CLN8: variants seen among roughly 807,000 people sequenced by gnomAD.
CLN8 encodes protein CLN8.
In CLN8, 14 loss-of-function variants were observed where a neutral mutation model predicts 15.7. That is an observed-to-expected ratio of 0.89 (90% CI 0.59 to 1.39). The LOEUF is 1.39. Among genes scored for constraint, CLN8 ranks in the 40% most tolerant of loss-of-function variants. The pLI, the probability that CLN8 is intolerant of heterozygous loss-of-function variation, is 0.00. For synonymous variants in CLN8, 188 were observed against 151.0 expected, an observed-to-expected ratio of 1.25 and a Z score of -1.80; for missense variants, 415 against 364.0, an observed-to-expected ratio of 1.14 and a Z score of -1.14.
chr8:1,772,309 A>G (rs564893458), intron 2 of CLN8, among the ~76,000 whole-genome samples: 1 of 152,162 alleles, frequency 6.6e-6, no homozygotes, highest in African/African-American at 2.4e-5. Context: ...TTATTTTTGA[A>G]TAAGGTTGTT....
upstream of CLN8, among the ~76,000 whole-genome samples, chr8:1,760,809 G>A (rs946287784): frequency 1.3e-5 from 2 of 152,156 alleles, no homozygotes; most frequent in Non-Finnish European, 2.9e-5. Flanking sequence ...CAGCTGCTCT[G>A]ATACAGAGTG....
At chr8:1,767,617 G>A (rs1290312805) in intron 1 of CLN8, among the ~76,000 whole-genome samples, 2 of 119,258 alleles carry the variant, frequency 1.7e-5, no homozygotes, top group Non-Finnish European at 3.2e-5. Context: ...TGTCACCCAG[G>A]CTGGAGTGCA....
At position 1,782,249 on chromosome 8, in the gene CLN8, A is replaced by G. The variant is rs1339560316; in HGVS notation, c.*1682A>G. 1.3e-5 allele frequency: 2 copies of G among 151,828 alleles called. No homozygotes were observed. Among genetic ancestry groups the G allele is most frequent in the Non-Finnish European group, 2.9e-5 (2 of 67,998 alleles). 9.4% of individuals were successfully genotyped at this position (151,828 alleles called of 1,614,324 possible). On this transcript the variant is annotated 3_prime_UTR_variant, in exon 3 of 3. Transcript: ENST00000331222. ...AACCTCCACCTCCCGGGTTCCAGGGATTCTCCTGCCTCACCCTTTCAAGTA... is the reference window on the plus strand; with the variant it reads ...AACCTCCACCTCCCGGGTTCCAGGGGTTCTCCTGCCTCACCCTTTCAAGTA...
chr8:1,759,752 T>A (rs541366782), upstream of CLN8: 1 of 152,294 alleles, frequency 6.6e-6, no homozygotes, highest in South Asian at 2.1e-4. Flanking sequence ...TGAACTTGGG[T>A]TCCAGTGTTT....
At chr8:1,775,917 G>T (rs1307531584) in intron 2 of CLN8, among the ~76,000 whole-genome samples, 4 of 152,252 alleles carry the variant, frequency 2.6e-5, no homozygotes, top group African/African-American at 7.2e-5. Context: ...TCAGTCTTCC[G>T]TAAGTGGGAA....
chr8:1,768,084 C>A (rs753201764), intron 1 of CLN8, among the ~76,000 whole-genome samples: 4 of 151,936 alleles, frequency 2.6e-5, no homozygotes, highest in Non-Finnish European at 5.9e-5. Flanking sequence ...GCTCAAATTA[C>A]AGGTGCGCAC....
At chr8:1,778,151 G>C (rs1442276911) in intron 2 of CLN8, among the ~76,000 whole-genome samples, 1 of 152,150 alleles carries the variant, frequency 6.6e-6, no homozygotes, top group Non-Finnish European at 1.5e-5. Flanking sequence ...GTTGTGGCCA[G>C]TTGTCAGAGT....
chr8:1,771,360 G>T lies in CLN8; in HGVS notation c.306G>T (p.Trp102Cys). 6.2e-7 allele frequency: 1 copy of T among 1,614,216 alleles called. No homozygotes were observed. Among genetic ancestry groups the T allele is most frequent in the East Asian group, 2.2e-5 (1 of 44,884 alleles). Residue 102 changes from tryptophan (W) to cysteine (C), a missense_variant, in exon 2 of 3, where the codon TGG (tryptophan) becomes TGT (cysteine). Physicochemically the swap from Trp to Cys is radical, Grantham distance 215. Transcript: ENST00000331222. ...ACAAGGCGCGTGGCCAGCAGAACTGGTGCTGGTTTCACATCACGACAGCAA... is the reference window on the plus strand; with the variant it reads ...ACAAGGCGCGTGGCCAGCAGAACTGTTGCTGGTTTCACATCACGACAGCAA... ...HADKARGQQN[W>C]CWFHITTATG...
intron 1 of CLN8, among the ~76,000 whole-genome samples, chr8:1,757,887 G>A (rs1384948985): frequency 6.6e-6 from 1 of 152,130 alleles, no homozygotes; most frequent in African/African-American, 2.4e-5. Context: ...GCCAAATGTT[G>A]TTTGTCTGAT....
chr8:1,776,813 C>T (rs1189266697), intron 2 of CLN8, among the ~76,000 whole-genome samples: 2 of 152,210 alleles, frequency 1.3e-5, no homozygotes, highest in African/African-American at 2.4e-5. Context: ...GTCTTAGCCA[C>T]GCTGTTCATT....
In CLN8 at chr8:1,783,593, G is replaced by T. The variant is rs893104920; in HGVS notation, c.*3026G>T. On this transcript the variant is annotated 3_prime_UTR_variant, in exon 3 of 3. Coordinates refer to ENST00000331222, the MANE Select transcript of CLN8 (RefSeq NM_018941.4). ...TTGAGTGACTGAAGACCAAGGGTTG[G>T]TGCAGCCTCCTCGCCGCGCTGCGGG... The T allele has an allele frequency of 6.6e-6, 1 of 151,856 alleles. No homozygotes were observed. Among genetic ancestry groups the T allele is most frequent in the Non-Finnish European group, 1.5e-5 (1 of 68,074 alleles). The allele number at this position is 151,856 out of a possible 1,614,324, so 9.4% of individuals were successfully genotyped here. A position where few individuals can be genotyped will look rare whatever the true frequency, so the allele number is the denominator to read the frequency against.
upstream of CLN8, chr8:1,762,940 A>T (rs1487857398): frequency 6.6e-6 from 1 of 152,262 alleles, no homozygotes; most frequent in East Asian, 1.9e-4. Context: ...TAAAGAGGGA[A>T]CAAAACACAT....
chr8:1,756,055 G>C (rs1800662394), exon 1 of CLN8: 1 of 152,202 alleles, frequency 6.6e-6, no homozygotes, highest in African/African-American at 2.4e-5. Flanking sequence ...TGCTGTGTGG[G>C]AAGAAGATTT....
upstream of CLN8, chr8:1,763,310 G>A (rs1017271721): frequency 2.7e-5 from 3 of 113,196 alleles, no homozygotes; most frequent in East Asian, 2.4e-4. Flanking sequence ...CCATGCCGCC[G>A]CCCGCCATGG....
intron 2 of CLN8, 37 bp from the exon 3 acceptor site, chr8:1,780,213 T>A (rs373067380): frequency 2.5e-6 from 4 of 1,614,134 alleles, no homozygotes; most frequent in Non-Finnish European, 3.4e-6. Flanking sequence ...TTTGGCAGTT[T>A]CGCATTGACT....
Position 1,771,049 on chromosome 8 carries a change from T to C in CLN8, c.-6T>C, listed in dbSNP as rs1296646916. On this transcript the variant is annotated 5_prime_UTR_variant, in exon 2 of 3. Transcript: ENST00000331222. ...CCAGGACTCCTTTGGAATATAGCTG[T>C]GGACAATGAATCCTGCGAGCGATGG... is the stretch of plus-strand genomic sequence containing the variant. 2.5e-6 allele frequency: 4 copies of C among 1,613,978 alleles called. No homozygotes were observed. The Admixed American group carries it at 5.0e-5, about 20-fold the overall frequency.
rs1418432323 is a variant in CLN8, at chr8:1,783,083, C to T, written c.*2516C>T. ...TGATGCGTACACCTTCCAGATGGCA[C>T]AGCACTTTCCCATGGTCCTCACTGG... On this transcript the variant is annotated 3_prime_UTR_variant, in exon 3 of 3. Coordinates refer to ENST00000331222, the MANE Select transcript of CLN8 (RefSeq NM_018941.4). The T allele has an allele frequency of 6.6e-6, 1 of 152,376 alleles. No individual in the cohort carries two copies. Among genetic ancestry groups the T allele is most frequent in the Non-Finnish European group, 1.5e-5 (1 of 68,146 alleles). 9.4% of individuals were successfully genotyped at this position (152,376 alleles called of 1,614,324 possible).
chr8:1,761,218 A>G (rs1800789067), upstream of CLN8, among the ~76,000 whole-genome samples: 1 of 151,786 alleles, frequency 6.6e-6, no homozygotes. Context: ...ATTTATCCAA[A>G]CAGGTGAACT....
chr8:1,779,172 G>T (rs994290482), intron 2 of CLN8, among the ~76,000 whole-genome samples: 5 of 152,210 alleles, frequency 3.3e-5, no homozygotes, highest in African/African-American at 1.2e-4. Flanking sequence ...GTGAGTAGGG[G>T]ACTGTCTATA....
Sources: gnomAD v4.1 joint callset for allele counts (sites outside exome capture counted in the v4.1 genomes callset) on GRCh38, gnomAD v4.1.1 for gene constraint, MANE v1.5 for transcripts, NCBI Gene and HGNC (gene_info 2026-07-23, HGNC 2026-07-21) for gene names.